Variants in TAF1C observed in about 807,000 individuals in gnomAD.
The protein encoded by TAF1C is TATA box-binding protein-associated factor RNA polymerase I subunit C.
Under a neutral mutation model 70.5 loss-of-function variants are expected in TAF1C, and 79 were observed. The ratio of observed to expected loss-of-function variants is 1.12; its 90% CI spans 0.93 to 1.35. The LOEUF is 1.35. Ranked by LOEUF, TAF1C falls within the 40% of genes most tolerant of loss-of-function variation. The pLI is 0.00. For synonymous variants in TAF1C, 614 were observed against 491.1 expected (o/e 1.25, Z -3.31); for missense variants, 1,412 against 1,127.8 (o/e 1.25, Z -3.61).
chr16:84,178,683 G>C lies in TAF1C; in HGVS notation c.*258C>G. On this transcript the variant is annotated 3_prime_UTR_variant, in exon 15 of 15. Coordinates refer to ENST00000566732, the MANE Select transcript of TAF1C (RefSeq NM_001243156.2). ...CCTCCCAGCACAGACTAAAATCCCAGCAACACAGGCCCACCGGCACCTCCA... is the reference window on the plus strand; with the variant it reads ...CCTCCCAGCACAGACTAAAATCCCACCAACACAGGCCCACCGGCACCTCCA... 1.9e-6 allele frequency: 1 copy of C among 537,406 alleles called. No individual in the cohort carries two copies. The highest frequency in any genetic ancestry group is 3.3e-5 in the East Asian group (1 of 30,566). 33.3% of individuals were successfully genotyped at this position (537,406 alleles called of 1,614,324 possible). A position where few individuals can be genotyped will look rare whatever the true frequency, so the allele number is the denominator to read the frequency against.
chr16:84,178,986 G>A lies in TAF1C; in HGVS notation c.2487C>T (p.Leu829=). 6.2e-7 allele frequency: 1 copy of A among 1,610,870 alleles called. No homozygotes were observed. Among genetic ancestry groups the A allele is most frequent in the Non-Finnish European group, 8.5e-7 (1 of 1,179,942 alleles). The stretch of plus-strand genomic sequence containing the variant: ...TCTTCCGGAGGGGCTGAGAGCTAGA[G>A]AGGACGGGTGTGTGCTGCTGGGAGC... ...ATRSQQHTPV[L]SSSQPLRKKP... Residue 829 remains leucine (L), a synonymous_variant, in exon 15 of 15, where the codon CTC becomes CTT. Coordinates refer to ENST00000566732, the MANE Select transcript of TAF1C (RefSeq NM_001243156.2).
In TAF1C at chr16:84,179,446, G is replaced by A. The variant is rs372046004; in HGVS notation, c.2027C>T (p.Ala676Val). Residue 676 changes from alanine (A) to valine (V), a missense_variant, in exon 15 of 15, where the codon GCG becomes GTG. By Grantham distance (64) the Ala-to-Val change is moderately conservative. Coordinates refer to ENST00000566732, the MANE Select transcript of TAF1C (RefSeq NM_001243156.2). The part of the protein sequence containing the change: ...LLQRDLGSLP[A>V]AEPPPAPESG... The stretch of plus-strand genomic sequence containing the variant: ...CTCGGGTGCAGGGGGTGGCTCTGCC[G>A]CAGGGAGGGAGCCCAGGTCTCTCTG... 27 of 1,596,880 alleles carry A rather than the reference G, an allele frequency of 1.7e-5. No homozygotes were observed. The highest frequency in any genetic ancestry group is 1.2e-4 in the African/African-American group (9 of 74,942).
At position 84,179,945 on chromosome 16, in the gene TAF1C, CCT is replaced by C; in HGVS notation, c.1620_1621del (p.Ile540MetfsTer54). The C allele has an allele frequency of 6.2e-7, 1 of 1,612,368 alleles. No individual in the cohort carries two copies. The highest frequency in any genetic ancestry group is 8.5e-7 in the Non-Finnish European group (1 of 1,179,866). On this transcript the variant is annotated frameshift_variant and splice_region_variant, in exon 14 of 15. Transcript: ENST00000566732. LOFTEE classifies it low-confidence loss of function (END_TRUNC). Reference sequence around the variant, plus strand: ...CAAGCTCACTCCCCCACCCAGCACACCTATGGTCGGTGCTTTCAGGCGCTCCT... The same window carrying C: ...CAAGCTCACTCCCCCACCCAGCACACATGGTCGGTGCTTTCAGGCGCTCCT...
At chr16:84,185,998 CAG>C (rs894081111) in intron 1 of TAF1C, among the ~76,000 whole-genome samples, 1 of 152,192 alleles carries the variant, frequency 6.6e-6, no homozygotes, top group Non-Finnish European at 1.5e-5. Context: ...ACAAAAATAA[CAG>C]GGGCAAAAAT....
chr16:84,179,980 C>T lies in TAF1C; in HGVS notation c.1587G>A (p.Trp529Ter). ...GTGCTTTCAGGCGCTCCTGCAGCCG[C>T]CACTGGATCTTAGGCTCCAGCAGAG... The part of the protein sequence containing the change: ...AFPLLEPKIQ[W>*]RLQERLKAPT... The change falls in exon 14 of 15, where the codon TGG (tryptophan) becomes TGA (stop). Residue 529 changes from tryptophan to a stop codon, truncating the protein, a stop_gained. Transcript: ENST00000566732. LOFTEE classifies it low-confidence loss of function (END_TRUNC). 6.2e-7 allele frequency: 1 copy of T among 1,612,540 alleles called. No individual in the cohort carries two copies. Among genetic ancestry groups the T allele is most frequent in the Non-Finnish European group, 8.5e-7 (1 of 1,179,930 alleles).
rs949651682 is a variant in TAF1C at position 84,180,653 on chromosome 16, A to C, written c.1309-309T>G. 4.4e-6 allele frequency: 3 copies of C among 677,228 alleles called. No homozygotes were observed. In the South Asian group the frequency reaches 7.5e-5, roughly 17 times the overall value. 42.0% of individuals were successfully genotyped at this position (677,228 alleles called of 1,614,324 possible). A position where few individuals can be genotyped will look rare whatever the true frequency, so the allele number is the denominator to read the frequency against. The stretch of plus-strand genomic sequence containing the variant: ...TCTCGCAGCCACCCCCACTCTCCTG[A>C]CCCGGGAGCCTGTGCTCGAGGCACG... On this transcript the variant is annotated intron_variant, in intron 12 of 14. Coordinates refer to ENST00000566732, the MANE Select transcript of TAF1C (RefSeq NM_001243156.2).
chr16:84,181,429 C>G lies in TAF1C; in HGVS notation c.1063G>C (p.Val355Leu). The G allele has an allele frequency of 1.2e-6, 2 of 1,613,812 alleles. No individual in the cohort carries two copies. The highest frequency in any genetic ancestry group is 1.7e-6 in the Non-Finnish European group (2 of 1,180,000). The change falls in exon 11 of 15, where the codon GTG becomes CTG. Residue 355 changes from valine (V) to leucine (L), a missense_variant. Coordinates refer to ENST00000566732, the MANE Select transcript of TAF1C (RefSeq NM_001243156.2). ...RQIYRDPETLVFRDSSSWRWA... is the reference protein window; with the variant it reads ...RQIYRDPETLLFRDSSSWRWA... ...CGCCACGAAGAGGAGTCCCGGAACA[C>G]GAGGGTCTCAGGGTCCCTGTAGATT...
Position 84,184,914 on chromosome 16 carries a change from G to A in TAF1C, c.75C>T (p.Leu25=). Residue 25 remains leucine (L), a synonymous_variant, in exon 2 of 15, where the codon CTC becomes CTT. Coordinates refer to ENST00000566732, the MANE Select transcript of TAF1C (RefSeq NM_001243156.2). The part of the protein sequence containing the change: ...GPLGLSDVPD[L]SFMCSWRDAL... The stretch of plus-strand genomic sequence containing the variant: ...CGTCTCGCCAGCTGCACATGAAAGA[G>A]AGGTCAGGGACGTCGCTCAGACCAA... The A allele has an allele frequency of 6.2e-7, 1 of 1,613,672 alleles. No homozygotes were observed. Among genetic ancestry groups the A allele is most frequent in the Non-Finnish European group, 8.5e-7 (1 of 1,179,850 alleles).
At chr16:84,184,356 G>T (rs2089369435) in intron 2 of TAF1C, among the ~76,000 whole-genome samples, 1 of 152,094 alleles carries the variant, frequency 6.6e-6, no homozygotes, top group Non-Finnish European at 1.5e-5. Context: ...CCTCTGCCAG[G>T]CTTCATTCCC....
At position 84,184,989 on chromosome 16, in the gene TAF1C, C is replaced by G; in HGVS notation, c.-1G>C. The stretch of plus-strand genomic sequence containing the variant: ...GGCGGAGGGAGCTGGGGAAGTCCAT[C>G]CTGGAAACAAGGACCAAGCACCACA... On this transcript the variant is annotated 5_prime_UTR_variant, in exon 2 of 15. Coordinates refer to ENST00000566732, the MANE Select transcript of TAF1C (RefSeq NM_001243156.2). 2 of 1,612,862 alleles carry G rather than the reference C, an allele frequency of 1.2e-6. No homozygotes were observed. The highest frequency in any genetic ancestry group is 1.7e-6 in the Non-Finnish European group (2 of 1,179,478).
rs1476663462 is a variant in TAF1C at position 84,182,185 on chromosome 16, C to G, written c.721+17G>C. The G allele has an allele frequency of 6.2e-7, 1 of 1,600,782 alleles. No individual in the cohort carries two copies. Among genetic ancestry groups the G allele is most frequent in the Non-Finnish European group, 8.5e-7 (1 of 1,171,560 alleles). ...AGGCGAGCCCGCTGGAATCTCCTGT[C>G]TCGCAAGAAAGGATACGCAGCCTGT... On this transcript the variant is annotated intron_variant, in intron 7 of 14. Transcript: ENST00000566732. This position sits in a 1 kb window ranked among gnomAD's most constrained non-coding sequence, Gnocchi z 5.0.
At position 84,180,097 on chromosome 16, in the gene TAF1C, G is replaced by A. The variant is rs754209804; in HGVS notation, c.1484-14C>T. On this transcript the variant is annotated splice_polypyrimidine_tract_variant and intron_variant, in intron 13 of 14. Transcript: ENST00000566732. ...ACGCCCCTTCTCCTGAGGAAGGACA[G>A]ACAGCTGAGGCCCTGTCCAGGCCCC... 2 of 1,586,962 alleles carry A rather than the reference G, an allele frequency of 1.3e-6. No individual in the cohort carries two copies. The highest frequency in any genetic ancestry group is 1.2e-5 in the South Asian group (1 of 86,590).
rs1386834930 is a variant in TAF1C, at chr16:84,179,699, G to A, written c.1774C>T (p.Gln592Ter). 33 of 1,612,512 alleles carry A rather than the reference G, an allele frequency of 2.0e-5. No homozygotes were observed. Among genetic ancestry groups the A allele is most frequent in the Non-Finnish European group, 2.5e-5 (29 of 1,179,920 alleles). The part of the protein sequence containing the change: ...RRDAGPPGDT[Q>*]PDCHAPTASW... ...GCTGTGGGGGCATGGCAGTCAGGTTGGGTGTCGCCAGGAGGCCCAGCATCT... is the reference window on the plus strand; with the variant it reads ...GCTGTGGGGGCATGGCAGTCAGGTTAGGTGTCGCCAGGAGGCCCAGCATCT... The change falls in exon 15 of 15, where the codon CAA becomes TAA. Residue 592 changes from glutamine to a stop codon, truncating the protein, a stop_gained. Transcript: ENST00000566732. LOFTEE classifies it low-confidence loss of function (END_TRUNC).
intron 6 of TAF1C, 29 bp downstream of exon 6, chr16:84,183,047 C>T: frequency 6.2e-7 from 1 of 1,612,420 alleles, no homozygotes; most frequent in Non-Finnish European, 8.5e-7. Flanking sequence ...TATGCCTATC[C>T]ATCTCCTCCT....
At chr16:84,181,002 C>T (rs375064121) in intron 12 of TAF1C, 41 bp downstream of exon 12, 35 of 1,571,378 alleles carry the variant, frequency 2.2e-5, no homozygotes, top group Non-Finnish European at 3.0e-5. Flanking sequence ...CCATCTGAGA[C>T]AGAGCAGAGG....
intron 1 of TAF1C, among the ~76,000 whole-genome samples, chr16:84,186,681 C>T (rs1274133425): frequency 2.0e-5 from 3 of 152,250 alleles, no homozygotes; most frequent in Non-Finnish European, 4.4e-5. Context: ...CCTCGACTTC[C>T]CCGGCCGGCT....
At chr16:84,183,217 C>A in intron 5 of TAF1C, 27 bp downstream of exon 5, 1 of 1,613,916 alleles carries the variant, frequency 6.2e-7, no homozygotes. Flanking sequence ...CAGGGAGTCC[C>A]CACCCCTGGA....
rs758489291 is a variant in TAF1C, at chr16:84,179,845, G to A, written c.1628C>T (p.Ala543Val). 15 of 1,606,732 alleles carry A rather than the reference G, an allele frequency of 9.3e-6. No homozygotes were observed. The South Asian group carries it at 1.5e-4, about 17-fold the overall frequency. The change falls in exon 15 of 15, where the codon GCT (alanine) becomes GTT (valine). Residue 543 changes from alanine to valine, a missense_variant. Transcript: ENST00000566732. ...TGAGGGCAAGGGCGGGACGACGGCA[G>A]CCAGACCTGGTGACGGGAATGACAA... ...ERLKAPTIGL[A>V]AVVPPLPSAP... is the part of the protein sequence containing the mutation.
At chr16:84,180,897 G>C in intron 12 of TAF1C, 146 bp downstream of exon 12, 1 of 1,436,344 alleles carries the variant, frequency 7.0e-7, no homozygotes, top group South Asian at 1.5e-5. Context: ...GATCCACTGC[G>C]TGTTTGGGCC....
Sources: gnomAD v4.1 joint callset for allele counts (sites outside exome capture counted in the v4.1 genomes callset) on GRCh38, gnomAD v4.1.1 for gene constraint, Gnocchi (gnomAD v3.1) non-coding constraint, MANE v1.5 for transcripts, NCBI Gene and HGNC (gene_info 2026-07-23, HGNC 2026-07-21) for gene names.